The following HYCC2 variants were observed in gnomAD, a reference collection of about 807,000 sequenced individuals.
HYCC2 encodes the protein hyccin 2.
chr2:201,039,980 C>G, the HYCC2 span, among the ~76,000 whole-genome samples: 6 of 152,218 alleles, frequency 3.9e-5, no homozygotes, highest in South Asian at 6.2e-4. Flanking sequence ...CGAGACCATC[C>G]TGGCCAACAC....
the HYCC2 span, among the ~76,000 whole-genome samples, chr2:201,033,064 C>A: frequency 0.011 from 1,713 of 149,052 alleles, 16 homozygotes; most frequent in Non-Finnish European, 0.017. Context: ...CTGAAAAGGG[C>A]AAGAAAAAAC....
At chr2:201,017,221 T>A in the HYCC2 span, 1 of 1,447,542 alleles carries the variant, frequency 6.9e-7, no homozygotes, top group Non-Finnish European at 9.3e-7. Flanking sequence ...TGGTTGTAAC[T>A]GTTGTTTTTT....
chr2:200,993,593 A>G, the HYCC2 span, among the ~76,000 whole-genome samples: 1 of 152,180 alleles, frequency 6.6e-6, no homozygotes, highest in South Asian at 2.1e-4. Context: ...GAAATCTTTC[A>G]GTGTTTAGTG....
chr2:200,997,943 G>A, the HYCC2 span, among the ~76,000 whole-genome samples: 1 of 152,298 alleles, frequency 6.6e-6, no homozygotes, highest in South Asian at 2.1e-4. Context: ...GGCTGAGGCA[G>A]GAGAATTGCT....
chr2:200,973,866 T>C, the HYCC2 span: 1 of 152,142 alleles, frequency 6.6e-6, no homozygotes, highest in Non-Finnish European at 1.5e-5. Context: ...TGCAGACTGA[T>C]ACTGAATTTT....
At chr2:200,998,083 A>G in the HYCC2 span, among the ~76,000 whole-genome samples, 1 of 152,226 alleles carries the variant, frequency 6.6e-6, no homozygotes, top group African/African-American at 2.4e-5. Context: ...TGACTCCCCT[A>G]TGAATAAGTC....
the HYCC2 span, chr2:201,063,928 T>C: frequency 6.3e-7 from 1 of 1,597,114 alleles, no homozygotes; most frequent in South Asian, 1.1e-5. Flanking sequence ...AGGGAGGAAA[T>C]TTTGGAGGCA....
At chr2:201,049,040 C>A in the HYCC2 span, among the ~76,000 whole-genome samples, 1 of 151,368 alleles carries the variant, frequency 6.6e-6, no homozygotes, top group African/African-American at 2.4e-5. Flanking sequence ...GGGAGGATCA[C>A]TTGAGCCCAG....
At chr2:201,034,180 T>C in the HYCC2 span, among the ~76,000 whole-genome samples, 1 of 152,178 alleles carries the variant, frequency 6.6e-6, no homozygotes, top group African/African-American at 2.4e-5. Flanking sequence ...CCCAACTCTA[T>C]AAAAATACTA....
chr2:201,039,246 C>G, the HYCC2 span, among the ~76,000 whole-genome samples: 9 of 152,132 alleles, frequency 5.9e-5, no homozygotes, highest in Non-Finnish European at 2.9e-5. Flanking sequence ...TCTGTCTTTT[C>G]TACTGGAATC....
the HYCC2 span, among the ~76,000 whole-genome samples, chr2:201,014,425 T>C: frequency 6.6e-6 from 1 of 152,198 alleles, no homozygotes; most frequent in African/African-American, 2.4e-5. Context: ...TAAACCCACT[T>C]TTAATTTTGA....
the HYCC2 span, among the ~76,000 whole-genome samples, chr2:201,023,429 T>C: frequency 6.6e-6 from 1 of 152,166 alleles, no homozygotes; most frequent in Non-Finnish European, 1.5e-5. Context: ...TTCTAACTAC[T>C]CAACCATAAA....
chr2:200,980,461 TTC>T, the HYCC2 span: 1 of 151,942 alleles, frequency 6.6e-6, no homozygotes, highest in Non-Finnish European at 1.5e-5. Flanking sequence ...GCCCCTCAGA[TTC>T]TGATTTGTTA....
chr2:201,041,022 A>G, the HYCC2 span, among the ~76,000 whole-genome samples: 1 of 152,208 alleles, frequency 6.6e-6, no homozygotes, highest in African/African-American at 2.4e-5. Context: ...CTTACTAGCT[A>G]TACTCAAACC....
At chr2:201,033,178 TG>T in the HYCC2 span, among the ~76,000 whole-genome samples, 1 of 145,764 alleles carries the variant, frequency 6.9e-6, no homozygotes, top group South Asian at 2.1e-4. Flanking sequence ...TGTGTGTGTG[TG>T]TGTGTGTGTG....
the HYCC2 span, among the ~76,000 whole-genome samples, chr2:201,040,808 C>G: frequency 3.3e-5 from 5 of 152,144 alleles, no homozygotes; most frequent in South Asian, 1.0e-3. Flanking sequence ...TGCATTCAAT[C>G]TGTTGCAGAA....
chr2:201,027,351 C>G, the HYCC2 span, among the ~76,000 whole-genome samples: 1 of 152,078 alleles, frequency 6.6e-6, no homozygotes, highest in South Asian at 2.1e-4. Flanking sequence ...AAGCCCAGGA[C>G]CAGACGGATT....
At chr2:201,068,650 A>C in the HYCC2 span, among the ~76,000 whole-genome samples, 2 of 152,230 alleles carry the variant, frequency 1.3e-5, no homozygotes, top group African/African-American at 2.4e-5. Flanking sequence ...CTCCATGAAG[A>C]ATTCTTAAAT....
chr2:201,058,886 T>C, the HYCC2 span, among the ~76,000 whole-genome samples: 1 of 152,226 alleles, frequency 6.6e-6, no homozygotes, highest in African/African-American at 2.4e-5. Context: ...GATTAACATT[T>C]AAATCTATAG....
Sources: gnomAD v4.1 joint callset for allele counts (sites outside exome capture counted in the v4.1 genomes callset) on GRCh38, gnomAD v4.1.1 for gene constraint, MANE v1.5 for transcripts, NCBI Gene and HGNC (gene_info 2026-07-23, HGNC 2026-07-21) for gene names.